The following XXYLT1 variants were observed in gnomAD, a reference collection of about 807,000 sequenced individuals.
XXYLT1 encodes the protein xyloside xylosyltransferase 1.
In XXYLT1, 20 loss-of-function variants were observed where a neutral mutation model predicts 28.9. The observed-to-expected ratio is 0.69, with a 90% confidence interval of 0.49 to 1.00. The LOEUF (loss-of-function observed/expected upper bound fraction) is 1.00, where lower values mean the gene tolerates loss of function less well. Ranked by LOEUF, XXYLT1 falls within the 50% of genes least tolerant of loss-of-function variation. The probability of loss-of-function intolerance (pLI) is 0.00; values close to 1 mark genes in which losing one functional copy is unlikely to be tolerated. For synonymous variants in XXYLT1, 257 were observed against 253.8 expected, an observed-to-expected ratio of 1.01 and a Z score of -0.12; for missense variants, 542 against 560.1, an observed-to-expected ratio of 0.97 and a Z score of 0.33.
intron 1 of XXYLT1, among the ~76,000 whole-genome samples, chr3:195,268,870 A>G (rs1725928898): frequency 6.6e-6 from 1 of 152,216 alleles, no homozygotes; most frequent in African/African-American, 2.4e-5. Flanking sequence ...CCCTGGGCCA[A>G]TATTTCTGGT....
At chr3:195,252,713 CACACACACACACACAG>C (rs1252746623) in intron 1 of XXYLT1, among the ~76,000 whole-genome samples, 6 of 141,434 alleles carry the variant, frequency 4.2e-5, no homozygotes, top group African/African-American at 6.1e-5. Flanking sequence ...CACACACACA[CACACACACACACACAG>C]AGAGAGAGAG....
intron 2 of XXYLT1, among the ~76,000 whole-genome samples, chr3:195,203,061 G>A (rs998090821): frequency 8.6e-5 from 13 of 151,814 alleles, no homozygotes; most frequent in African/African-American, 7.3e-5. Context: ...CTACTGCCTC[G>A]GCCTCCCAAA....
At position 195,078,590 on chromosome 3, in the gene XXYLT1, C is replaced by T. The variant is rs1389725; in HGVS notation, c.786-8479G>A. 0.083 allele frequency among the ~76,000 whole-genome samples: 12,666 copies of T among 152,146 alleles called. 807 individuals are homozygous for T. Among genetic ancestry groups the T allele is most frequent in the East Asian group, 0.19 (973 of 5,148 alleles). ...CTTCTCCCCAGTGATGCCCTCCAAG[C>T]CTCCTACTAATATCGACTGCCCGTT... is the stretch of plus-strand genomic sequence containing the variant. On this transcript the variant is annotated intron_variant, in intron 3 of 3. Coordinates refer to ENST00000310380, the MANE Select transcript of XXYLT1 (RefSeq NM_152531.5). This position sits in a 1 kb window ranked among gnomAD's most constrained non-coding sequence, Gnocchi z 5.0.
intron 1 of XXYLT1, among the ~76,000 whole-genome samples, chr3:195,250,013 A>G (rs926264945): frequency 6.6e-6 from 1 of 152,156 alleles, no homozygotes; most frequent in African/African-American, 2.4e-5. Flanking sequence ...CGGAGGCCAG[A>G]GCCCTCCTCC....
rs756841247 is a variant in XXYLT1 at position 195,156,450 on chromosome 3, T to G, written c.784A>C (p.Arg262=). Residue 262 remains arginine (R), a splice_region_variant and synonymous_variant, in exon 3 of 4, where the codon AGG becomes CGG. Coordinates refer to ENST00000310380, the MANE Select transcript of XXYLT1 (RefSeq NM_152531.5). ...GIAREMQPVY[R]HTFWQFRHEN... ...GGCCCCCCTGCAGTCATGACGCACCTGTAAACTGGCTGCATCTCCCGGGCT... is the reference window on the plus strand; with the variant it reads ...GGCCCCCCTGCAGTCATGACGCACCGGTAAACTGGCTGCATCTCCCGGGCT... 1 of 1,613,848 alleles carries G rather than the reference T, an allele frequency of 6.2e-7. No homozygotes were observed. Among genetic ancestry groups the G allele is most frequent in the Non-Finnish European group, 8.5e-7 (1 of 1,179,932 alleles).
chr3:195,180,218 C>T lies in XXYLT1; in HGVS notation c.653-23637G>A, dbSNP rs1721881699. ...GGCTTATGCACAGTCATTTCTAACGCCAGATCCCCGTCTCTGCACTGACAC... is the reference window on the plus strand; with the variant it reads ...GGCTTATGCACAGTCATTTCTAACGTCAGATCCCCGTCTCTGCACTGACAC... On this transcript the variant is annotated intron_variant, in intron 2 of 3. Coordinates refer to ENST00000310380, the MANE Select transcript of XXYLT1 (RefSeq NM_152531.5). This position sits in a 1 kb window ranked among gnomAD's most constrained non-coding sequence, Gnocchi z 5.8. 15 of 741,514 alleles carry T rather than the reference C, an allele frequency of 2.0e-5. No homozygotes were observed. The highest frequency in any genetic ancestry group is 2.5e-5 in the Non-Finnish European group (15 of 607,584). 45.9% of individuals were successfully genotyped at this position (741,514 alleles called of 1,614,324 possible).
Position 195,069,793 on chromosome 3 carries a change from G to C in XXYLT1, c.1104C>G (p.Val368=). The C allele has an allele frequency of 1.2e-6, 2 of 1,614,184 alleles. No homozygotes were observed. The highest frequency in any genetic ancestry group is 1.7e-6 in the Non-Finnish European group (2 of 1,180,032). The part of the protein sequence containing the change: ...TWWRDHGYSD[V]FEAYFRCEGH... ...CCTCACACCTGAAATAGGCCTCGAA[G>C]ACGTCACTGTAGCCATGGTCCCTCC... The change falls in exon 4 of 4, where the codon GTC becomes GTG. Residue 368 remains valine (V), a synonymous_variant. Coordinates refer to ENST00000310380, the MANE Select transcript of XXYLT1 (RefSeq NM_152531.5).
At chr3:195,156,634 C>T (rs965333074) in intron 2 of XXYLT1, 53 bp from the exon 3 acceptor site, 15 of 1,591,734 alleles carry the variant, frequency 9.4e-6, no homozygotes, top group South Asian at 3.4e-5. Context: ...CTGGGAGGCT[C>T]GGCCACGGAC....
chr3:195,120,303 C>CCCCCCCCCCCCCCCCCCT (rs1560106289), intron 3 of XXYLT1, among the ~76,000 whole-genome samples: 9 of 142,162 alleles, frequency 6.3e-5, no homozygotes, highest in African/African-American at 1.1e-4. Context: ...GCCCCAGCCC[C>CCCCCCCCCCCCCCCCCCT]CATGGCCACA....
chr3:195,111,377 G>A (rs57357728), intron 3 of XXYLT1, among the ~76,000 whole-genome samples: 21,956 of 152,144 alleles, frequency 0.14, 2,201 homozygotes, highest in East Asian at 0.47. Flanking sequence ...GGGCTTCAGC[G>A]TATGAATTTC....
chr3:195,134,870 C>CACGT (rs1452358693), intron 3 of XXYLT1, among the ~76,000 whole-genome samples: 5 of 124,170 alleles, frequency 4.0e-5, no homozygotes, highest in African/African-American at 1.6e-4. Context: ...TGTGTGTGTG[C>CACGT]GTGTGCGCGC....
At position 195,257,807 on chromosome 3, in the gene XXYLT1, T is replaced by C. The variant is rs1725535816; in HGVS notation, c.504+12748A>G. On this transcript the variant is annotated intron_variant, in intron 1 of 3. Transcript: ENST00000310380. The surrounding 1 kb of genome is among the most constrained non-coding windows in gnomAD (Gnocchi z 4.3). ...AGGGACAGAAGACAGAGCCAGTCTG[T>C]GGCTCCAGCTGCCTGAGTTCCCTCA... Among the ~76,000 whole-genome samples, 1 of 152,090 alleles carries C rather than the reference T, an allele frequency of 6.6e-6. No homozygotes were observed. Among genetic ancestry groups the C allele is most frequent in the South Asian group, 2.1e-4 (1 of 4,820 alleles).
chr3:195,268,272 A>T (rs1725903142), intron 1 of XXYLT1, among the ~76,000 whole-genome samples: 1 of 133,614 alleles, frequency 7.5e-6, no homozygotes, highest in African/African-American at 2.8e-5. Flanking sequence ...TCTACTAAAA[A>T]TACAAAAAAT....
chr3:195,105,999 G>A (rs996359699), intron 3 of XXYLT1, among the ~76,000 whole-genome samples: 5 of 152,116 alleles, frequency 3.3e-5, no homozygotes, highest in African/African-American at 7.2e-5. Context: ...GCATTTCACC[G>A]GCGCGTAGCA....
At position 195,167,565 on chromosome 3, in the gene XXYLT1, T is replaced by C. The variant is rs557635350; in HGVS notation, c.653-10984A>G. On this transcript the variant is annotated intron_variant, in intron 2 of 3. Coordinates refer to ENST00000310380, the MANE Select transcript of XXYLT1 (RefSeq NM_152531.5). ...AAGATCACACCACTGCACTCCAGCC[T>C]GGGCGACAAGAGTGAAACTCCATCT... 4.0e-3 allele frequency among the ~76,000 whole-genome samples: 614 copies of C among 152,304 alleles called. 1 individual carries two copies. The highest frequency in any genetic ancestry group is 6.8e-3 in the Non-Finnish European group (462 of 68,018).
chr3:195,213,201 C>A (rs376239314), intron 2 of XXYLT1, among the ~76,000 whole-genome samples: 1 of 151,794 alleles, frequency 6.6e-6, no homozygotes, highest in South Asian at 2.1e-4. Context: ...CATCCGCATC[C>A]CAACAGAGAG....
chr3:195,141,432 T>C lies in XXYLT1; in HGVS notation c.785+15017A>G, dbSNP rs530524339. ...AACTTGGAGTGAACTCTCCTTCCCC[T>C]TGAGAGAAAATGTTACATCATCAAA... On this transcript the variant is annotated intron_variant, in intron 3 of 3. Coordinates refer to ENST00000310380, the MANE Select transcript of XXYLT1 (RefSeq NM_152531.5). Among the ~76,000 whole-genome samples, 7 of 152,300 alleles carry C rather than the reference T, an allele frequency of 4.6e-5. No homozygotes were observed. In the South Asian group the frequency reaches 1.4e-3, roughly 32 times the overall value.
intron 2 of XXYLT1, among the ~76,000 whole-genome samples, chr3:195,188,801 C>G (rs1401948085): frequency 6.6e-6 from 1 of 152,228 alleles, no homozygotes; most frequent in African/African-American, 2.4e-5. Flanking sequence ...TGCTCCATTT[C>G]CCTCCACAGC....
intron 2 of XXYLT1, among the ~76,000 whole-genome samples, chr3:195,198,385 G>A (rs373246288): frequency 3.4e-4 from 52 of 152,254 alleles, no homozygotes; most frequent in African/African-American, 1.2e-3. Context: ...CAAGTTGTCC[G>A]GGCACTTCAT....
Sources: allele counts gnomAD v4.1 joint callset (sites outside exome capture counted in the v4.1 genomes callset), GRCh38; gene constraint gnomAD v4.1.1; non-coding constraint Gnocchi (gnomAD v3.1); transcripts MANE v1.5; gene names NCBI Gene and HGNC (gene_info 2026-07-23, HGNC 2026-07-21).